CADPS2: variants seen among roughly 807,000 people sequenced by gnomAD.
CADPS2 encodes the protein calcium-dependent secretion activator 2.
Under a neutral mutation model 172.5 loss-of-function variants are expected in CADPS2, and 93 were observed. That is an observed-to-expected ratio of 0.54 (90% CI 0.46 to 0.64). The LOEUF is 0.64. CADPS2 is among the 30% of genes least tolerant of loss of function. The pLI, the probability that CADPS2 is intolerant of heterozygous loss-of-function variation, is 0.00. For missense variants in CADPS2, 1,420 were observed against 1,565.9 expected (o/e 0.91, Z 1.57); for synonymous variants, 546 against 555.2 (o/e 0.98, Z 0.23).
At chr7:122,398,219 T>C (rs1279985962) in intron 20 of CADPS2, among the ~76,000 whole-genome samples, 1 of 152,144 alleles carries the variant, frequency 6.6e-6, no homozygotes, top group Non-Finnish European at 1.5e-5. Flanking sequence ...CAACAGAGAA[T>C]TTAAATTTAA....
At chr7:122,508,352 ATTGT>A (rs1221273636) in intron 9 of CADPS2, among the ~76,000 whole-genome samples, 1 of 150,852 alleles carries the variant, frequency 6.6e-6, no homozygotes, top group African/African-American at 2.4e-5. Flanking sequence ...TCAAAGTGTC[ATTGT>A]TTGATTAAAA....
At position 122,820,101 on chromosome 7, in the gene CADPS2, G is replaced by A. The variant is rs184085264; in HGVS notation, c.339+65898C>T. Among the ~76,000 whole-genome samples the A allele has an allele frequency of 6.6e-5, 10 of 152,202 alleles. No homozygotes were observed. In the East Asian group the frequency reaches 1.9e-3, roughly 29 times the overall value. On this transcript the variant is annotated intron_variant, in intron 1 of 29. Coordinates refer to ENST00000449022, the MANE Select transcript of CADPS2 (RefSeq NM_017954.11). Reference sequence around the variant, plus strand: ...AAATTGTTTTGCCTATCCACCCTGTGGTGCCAAACCCATATACTCTCCTAT... The same window carrying A: ...AAATTGTTTTGCCTATCCACCCTGTAGTGCCAAACCCATATACTCTCCTAT...
Position 122,333,613 on chromosome 7 carries a change from A to G in CADPS2, c.3613-8032T>C, listed in dbSNP as rs56111341. 8.1e-3 allele frequency among the ~76,000 whole-genome samples: 1,234 copies of G among 152,292 alleles called. 6 individuals are homozygous for G. The highest frequency in any genetic ancestry group is 0.012 in the Non-Finnish European group (845 of 68,026). ...ATGTCAGCCTTTAAGACTCAGCTCAATCATTCATTATCTCTGCTTCTTAGC... is the reference window on the plus strand; with the variant it reads ...ATGTCAGCCTTTAAGACTCAGCTCAGTCATTCATTATCTCTGCTTCTTAGC... On this transcript the variant is annotated intron_variant, in intron 28 of 29. Coordinates refer to ENST00000449022, the MANE Select transcript of CADPS2 (RefSeq NM_017954.11).
intron 1 of CADPS2, among the ~76,000 whole-genome samples, chr7:122,884,433 A>G (rs1204935667): frequency 6.6e-6 from 1 of 152,096 alleles, no homozygotes; most frequent in Admixed American, 6.5e-5. Context: ...AACTTACCTG[A>G]GTAATGGTGG....
At chr7:122,471,588 T>A (rs1173644072) in intron 13 of CADPS2, 26 bp from the exon 14 acceptor site, 2 of 1,520,766 alleles carry the variant, frequency 1.3e-6, no homozygotes, top group Non-Finnish European at 1.8e-6. Flanking sequence ...AGAATAGATA[T>A]ACATGTTTTT....
intron 1 of CADPS2, among the ~76,000 whole-genome samples, chr7:122,883,482 AAAC>A (rs1373028205): frequency 6.6e-6 from 1 of 152,222 alleles, no homozygotes; most frequent in Non-Finnish European, 1.5e-5. Context: ...AGAATAAAAT[AAAC>A]AACGGATTAG....
chr7:122,441,112 A>G (rs2051292860), intron 16 of CADPS2, among the ~76,000 whole-genome samples: 1 of 152,208 alleles, frequency 6.6e-6, no homozygotes, highest in Admixed American at 6.5e-5. Flanking sequence ...TGAATGGTAA[A>G]TGATAAACTT....
chr7:122,871,565 TAAAG>T lies in CADPS2; in HGVS notation c.339+14430_339+14433del, dbSNP rs1819760211. On this transcript the variant is annotated intron_variant, in intron 1 of 29. Transcript: ENST00000449022. The stretch of plus-strand genomic sequence containing the variant: ...GTAATAACTCAAGCTGTTCCTCTGC[TAAAG>T]AAAGAAAGGCTAGATTCAGCATACA... Among the ~76,000 whole-genome samples the T allele has an allele frequency of 2.0e-5, 3 of 152,056 alleles. No individual in the cohort carries two copies. The South Asian group carries it at 6.2e-4, about 32-fold the overall frequency.
intron 1 of CADPS2, among the ~76,000 whole-genome samples, chr7:122,867,413 G>T (rs1211072364): frequency 6.6e-6 from 1 of 152,110 alleles, no homozygotes; most frequent in African/African-American, 2.4e-5. Context: ...GGTAGAAAAA[G>T]CTGAGATATA....
At chr7:122,324,067 T>C (rs2033294466) in intron 29 of CADPS2, among the ~76,000 whole-genome samples, 1 of 151,874 alleles carries the variant, frequency 6.6e-6, no homozygotes, top group Non-Finnish European at 1.5e-5. Flanking sequence ...CTTTGTAAAA[T>C]AAATAACACC....
chr7:122,409,947 C>A (rs902726424), intron 19 of CADPS2, among the ~76,000 whole-genome samples: 9 of 152,140 alleles, frequency 5.9e-5, no homozygotes, highest in Non-Finnish European at 1.2e-4. Flanking sequence ...TAATGCTAAG[C>A]CACTAATTAG....
intron 2 of CADPS2, among the ~76,000 whole-genome samples, chr7:122,666,675 C>T (rs1343809803): frequency 6.6e-6 from 1 of 152,126 alleles, no homozygotes; most frequent in African/African-American, 2.4e-5. Context: ...TCGGTAGAGG[C>T]TGCCGGAGGA....
intron 28 of CADPS2, among the ~76,000 whole-genome samples, chr7:122,329,797 G>C (rs1037919248): frequency 8.5e-5 from 13 of 152,096 alleles, no homozygotes; most frequent in Admixed American, 7.2e-4. Flanking sequence ...AATGCCTTTA[G>C]ACCCTCCAAG....
At chr7:122,833,426 C>T (rs1807239975) in intron 1 of CADPS2, among the ~76,000 whole-genome samples, 1 of 152,198 alleles carries the variant, frequency 6.6e-6, no homozygotes, top group Non-Finnish European at 1.5e-5. Flanking sequence ...TCTCAGCTCA[C>T]TGCAACCTTT....
intron 24 of CADPS2, chr7:122,386,335 A>C (rs2043667253): frequency 7.1e-7 from 1 of 1,405,934 alleles, no homozygotes; most frequent in Admixed American, 2.5e-5. Flanking sequence ...GGTGGAAAAA[A>C]AAAGATGATG....
chr7:122,735,907 T>A (rs2092117982), intron 2 of CADPS2, among the ~76,000 whole-genome samples: 1 of 152,178 alleles, frequency 6.6e-6, no homozygotes, highest in Non-Finnish European at 1.5e-5. Flanking sequence ...GAAATCTTCC[T>A]CTGACTCTTA....
chr7:122,778,111 T>C lies in CADPS2; in HGVS notation c.340-41043A>G, dbSNP rs182502271. Among the ~76,000 whole-genome samples, 3 of 152,194 alleles carry C rather than the reference T, an allele frequency of 2.0e-5. No homozygotes were observed. The East Asian group carries it at 5.8e-4, about 30-fold the overall frequency. ...ACTTGTTGAATGGCTTTGACCAAAATGCTGATAGTGATATGGACAATAAAG... is the reference window on the plus strand; with the variant it reads ...ACTTGTTGAATGGCTTTGACCAAAACGCTGATAGTGATATGGACAATAAAG... On this transcript the variant is annotated intron_variant, in intron 1 of 29. Transcript: ENST00000449022.
At chr7:122,450,058 A>G (rs1473900959) in intron 15 of CADPS2, among the ~76,000 whole-genome samples, 1 of 152,222 alleles carries the variant, frequency 6.6e-6, no homozygotes, top group Non-Finnish European at 1.5e-5. Flanking sequence ...ATCAGGAAAC[A>G]TAACAAAAAA....
intron 9 of CADPS2, among the ~76,000 whole-genome samples, chr7:122,493,462 C>G (rs1266278835): frequency 6.6e-6 from 1 of 152,086 alleles, no homozygotes; most frequent in African/African-American, 2.4e-5. Context: ...TTAGAGACTG[C>G]TAAGTTGCAT....
Sources: allele counts gnomAD v4.1 joint callset (sites outside exome capture counted in the v4.1 genomes callset), GRCh38; gene constraint gnomAD v4.1.1; transcripts MANE v1.5; gene names NCBI Gene and HGNC (gene_info 2026-07-23, HGNC 2026-07-21).